The following CDKAL1 variants were observed in gnomAD, a reference collection of about 807,000 sequenced individuals.
CDKAL1 encodes the protein threonylcarbamoyladenosine tRNA methylthiotransferase.
A neutral mutation model predicts 68.2 loss-of-function variants in CDKAL1; 32 were observed. That is an observed-to-expected ratio of 0.47 (90% CI 0.35 to 0.63). CDKAL1 has a LOEUF of 0.63. Ranked by LOEUF, CDKAL1 falls within the 30% of genes least tolerant of loss-of-function variation. The pLI is 0.00. For synonymous variants in CDKAL1, 234 were observed against 244.3 expected (o/e 0.96, Z 0.39); for missense variants, 606 against 696.7 (o/e 0.87, Z 1.47).
chr6:20,747,963 G>C (rs939759975), intron 6 of CDKAL1, among the ~76,000 whole-genome samples: 1 of 152,162 alleles, frequency 6.6e-6, no homozygotes, highest in African/African-American at 2.4e-5. Flanking sequence ...TTTTCTCCCA[G>C]GAATTTCACA....
intron 9 of CDKAL1, among the ~76,000 whole-genome samples, chr6:20,850,408 T>G (rs1046836867): frequency 6.6e-6 from 1 of 152,130 alleles, no homozygotes; most frequent in Non-Finnish European, 1.5e-5. Context: ...GAATATACAA[T>G]AGGATCAAAA....
chr6:20,619,600 G>A (rs185770021), intron 4 of CDKAL1, among the ~76,000 whole-genome samples: 33 of 152,064 alleles, frequency 2.2e-4, no homozygotes, highest in African/African-American at 7.0e-4. Flanking sequence ...TGCAGATTTT[G>A]GTTATCATTT....
intron 5 of CDKAL1, among the ~76,000 whole-genome samples, chr6:20,713,193 C>G (rs1354270812): frequency 1.3e-5 from 2 of 152,166 alleles, no homozygotes; most frequent in African/African-American, 4.8e-5. Context: ...AATCGACATT[C>G]TGCCATATCT....
At chr6:20,656,646 G>A (rs1384387169) in intron 5 of CDKAL1, among the ~76,000 whole-genome samples, 2 of 152,040 alleles carry the variant, frequency 1.3e-5, no homozygotes, top group Non-Finnish European at 2.9e-5. Flanking sequence ...GTAATTAATG[G>A]ACATAGTTCT....
intron 13 of CDKAL1, among the ~76,000 whole-genome samples, chr6:21,196,151 A>G (rs966783827): frequency 2.0e-5 from 3 of 152,234 alleles, no homozygotes; most frequent in African/African-American, 4.8e-5. Flanking sequence ...AGAAAGAAGC[A>G]GCATAGTTTT....
At chr6:21,162,321 T>A (rs917138062) in intron 13 of CDKAL1, among the ~76,000 whole-genome samples, 6 of 152,048 alleles carry the variant, frequency 3.9e-5, no homozygotes, top group African/African-American at 1.4e-4. Context: ...AACTCCTAAT[T>A]CCCCATAAAA....
Position 20,922,752 on chromosome 6 carries a change from C to G in CDKAL1, c.743-32667C>G, listed in dbSNP as rs6936002. ...GTATCTGTAGTTATTTAAGTGGTAA[C>G]CCATCACTTGGGAAGCTTTTGTTCA... On this transcript the variant is annotated intron_variant, in intron 9 of 15. Coordinates refer to ENST00000274695, the MANE Select transcript of CDKAL1 (RefSeq NM_017774.3). Among the ~76,000 whole-genome samples, 570 of 152,252 alleles carry G rather than the reference C, an allele frequency of 3.7e-3. 3 individuals are homozygous for G. Among genetic ancestry groups the G allele is most frequent in the African/African-American group, 0.012 (501 of 41,532 alleles).
At chr6:21,074,948 T>A (rs1434310393) in intron 12 of CDKAL1, among the ~76,000 whole-genome samples, 1 of 152,108 alleles carries the variant, frequency 6.6e-6, no homozygotes, top group Non-Finnish European at 1.5e-5. Context: ...AGTGGTGTTT[T>A]TTTTTTAATC....
Position 21,016,250 on chromosome 6 carries a change from A to G in CDKAL1, c.1055+15878A>G, listed in dbSNP as rs183097877. ...GATGTCTACCTTTTATACGTGAGGA[A>G]AGTGAAGCACAGAGAGCTTGAAGTT... On this transcript the variant is annotated intron_variant, in intron 11 of 15. Transcript: ENST00000274695. 3.7e-3 allele frequency among the ~76,000 whole-genome samples: 558 copies of G among 152,096 alleles called. 3 individuals carry two copies. The highest frequency in any genetic ancestry group is 4.0e-3 in the Non-Finnish European group (275 of 67,988).
intron 4 of CDKAL1, among the ~76,000 whole-genome samples, chr6:20,567,757 A>C (rs1175305866): frequency 1.3e-5 from 2 of 152,200 alleles, no homozygotes; most frequent in Non-Finnish European, 2.9e-5. Context: ...TTTGTGGCCC[A>C]GGCTGGAGTG....
intron 5 of CDKAL1, among the ~76,000 whole-genome samples, chr6:20,671,717 A>AT (rs1328442416): frequency 4.0e-5 from 6 of 151,216 alleles, no homozygotes; most frequent in Admixed American, 2.6e-4. Flanking sequence ...GTGCTCTTTT[A>AT]TTTTTTTTAA....
intron 4 of CDKAL1, among the ~76,000 whole-genome samples, chr6:20,600,556 G>A (rs1288839888): frequency 6.6e-6 from 1 of 151,658 alleles, no homozygotes; most frequent in African/African-American, 2.4e-5. Flanking sequence ...CACTTTTGAG[G>A]TAGTGACTGA....
At chr6:20,897,967 T>C (rs1299657246) in intron 9 of CDKAL1, among the ~76,000 whole-genome samples, 2 of 152,170 alleles carry the variant, frequency 1.3e-5, no homozygotes, top group East Asian at 1.9e-4. Context: ...GTCTGATGAA[T>C]TGATAAAGGT....
chr6:20,692,645 A>G (rs763362107), intron 5 of CDKAL1, among the ~76,000 whole-genome samples: 1 of 152,170 alleles, frequency 6.6e-6, no homozygotes, highest in Non-Finnish European at 1.5e-5. Flanking sequence ...AGCTATGGAA[A>G]GTAACAGTAA....
At chr6:20,781,001 G>T in intron 7 of CDKAL1, 144 bp from the exon 8 acceptor site, 1 of 777,410 alleles carries the variant, frequency 1.3e-6, no homozygotes. Context: ...CAGTATTTCT[G>T]AAGTTTAAAT....
intron 13 of CDKAL1, among the ~76,000 whole-genome samples, chr6:21,185,804 A>G (rs531758727): frequency 1.3e-5 from 2 of 152,344 alleles, no homozygotes; most frequent in Admixed American, 1.3e-4. Flanking sequence ...TTCAAGAAAG[A>G]CGTTTTAGAA....
At chr6:20,766,331 G>A (rs1164882110) in intron 7 of CDKAL1, among the ~76,000 whole-genome samples, 4 of 152,012 alleles carry the variant, frequency 2.6e-5, no homozygotes, top group Non-Finnish European at 5.9e-5. Context: ...GCATAGTGTT[G>A]AATAGTTCAA....
At chr6:20,625,456 G>A (rs1218604977) in intron 4 of CDKAL1, among the ~76,000 whole-genome samples, 1 of 152,110 alleles carries the variant, frequency 6.6e-6, no homozygotes, top group South Asian at 2.1e-4. Context: ...CGCCTGGGCA[G>A]TATGTGGAAT....
At chr6:21,034,591 A>G (rs908327251) in intron 11 of CDKAL1, among the ~76,000 whole-genome samples, 1 of 152,196 alleles carries the variant, frequency 6.6e-6, no homozygotes, top group African/African-American at 2.4e-5. Context: ...TAGCTTGATA[A>G]TAAGAGTGAT....
Sources: gnomAD v4.1 joint callset for allele counts (sites outside exome capture counted in the v4.1 genomes callset) on GRCh38, gnomAD v4.1.1 for gene constraint, MANE v1.5 for transcripts, NCBI Gene and HGNC (gene_info 2026-07-23, HGNC 2026-07-21) for gene names.